Variants in MYL2 observed in about 807,000 individuals in gnomAD.
MYL2 encodes myosin light chain 2.
A neutral mutation model predicts 23.0 loss-of-function variants in MYL2; 19 were observed. The ratio of observed to expected loss-of-function variants is 0.83; its 90% CI spans 0.58 to 1.21. The LOEUF is 1.21. Ranked by LOEUF, MYL2 falls within the 50% of genes most tolerant of loss-of-function variation. The pLI, the probability that MYL2 is intolerant of heterozygous loss-of-function variation, is 0.00. For synonymous variants in MYL2, 78 were observed against 76.2 expected, an observed-to-expected ratio of 1.02 and a Z score of -0.13; for missense variants, 180 against 215.1, an observed-to-expected ratio of 0.84 and a Z score of 1.02.
chr12:110,920,254 G>T (rs950035736), intron 1 of MYL2, among the ~76,000 whole-genome samples: 2 of 152,178 alleles, frequency 1.3e-5, no homozygotes, highest in African/African-American at 2.4e-5. Context: ...AGTCCTGGGA[G>T]TTATTGATTC....
At chr12:110,915,885 G>T in intron 2 of MYL2, 95 bp from the exon 3 acceptor site, 1 of 937,278 alleles carries the variant, frequency 1.1e-6, no homozygotes, top group Non-Finnish European at 1.8e-6. Flanking sequence ...TGGATTCTGG[G>T]ATCTTCAAAG....
In MYL2 at chr12:110,913,286, C is replaced by T. The variant is rs397516401; in HGVS notation, c.313G>A (p.Val105Met). The T allele has an allele frequency of 1.9e-6, 3 of 1,614,216 alleles. No homozygotes were observed. Among genetic ancestry groups the T allele is most frequent in the Non-Finnish European group, 2.5e-6 (3 of 1,180,038 alleles). ...ACCCCTTTGCCTTCAGGGTCAAACA[C>T]TTTGAATGCGTTGAGAATGGTTTCC... ...PEETILNAFK[V>M]FDPEGKGVLK... is the part of the protein sequence containing the mutation. The change falls in exon 5 of 7, where the codon GTG becomes ATG. Residue 105 changes from valine (V) to methionine (M), a missense_variant. By Grantham distance (21) the Val-to-Met change is conservative (BLOSUM62 1). Transcript: ENST00000228841.
At position 110,911,021 on chromosome 12, in the gene MYL2, T is replaced by G. The variant is rs2071646325; in HGVS notation, c.*56A>C. 1 of 1,458,426 alleles carries G rather than the reference T, an allele frequency of 6.9e-7. No homozygotes were observed. The highest frequency in any genetic ancestry group is 1.7e-5 in the Admixed American group (1 of 59,736). 90.3% of individuals were successfully genotyped at this position (1,458,426 alleles called of 1,614,324 possible). A position where few individuals can be genotyped will look rare whatever the true frequency, so the allele number is the denominator to read the frequency against. On this transcript the variant is annotated 3_prime_UTR_variant, in exon 7 of 7. Coordinates refer to ENST00000228841, the MANE Select transcript of MYL2 (RefSeq NM_000432.4). ...AGAGGCGGTACTCGGGGGAGAGAGATGAGGGCAGGGACCACTCTGCAAAGA... is the reference window on the plus strand; with the variant it reads ...AGAGGCGGTACTCGGGGGAGAGAGAGGAGGGCAGGGACCACTCTGCAAAGA...
At chr12:110,921,117 G>A (rs532725052), upstream of MYL2, among the ~76,000 whole-genome samples, 23 of 152,358 alleles carry the variant, frequency 1.5e-4, no homozygotes, top group African/African-American at 4.3e-4. Context: ...CCAGCACGGC[G>A]GGAGGCCGAG....
At chr12:110,920,708 A>T, upstream of MYL2, 2 of 875,072 alleles carry the variant, frequency 2.3e-6, no homozygotes, top group Non-Finnish European at 3.7e-6. Context: ...CGTTCTTCTG[A>T]AGTAAGGGTG....
chr12:110,914,222 TAA>T lies in MYL2; in HGVS notation c.236_237del (p.Phe79TyrfsTer12), dbSNP rs1301298973. 6.2e-7 allele frequency: 1 copy of T among 1,613,882 alleles called. No individual in the cohort carries two copies. The highest frequency in any genetic ancestry group is 1.7e-5 in the Admixed American group (1 of 59,988). ...TCCCCAAACATTGTGAGGAACACAGTAAAGTTAATTGGACCCGGAGCCTCCTT... is the reference window on the plus strand; with the variant it reads ...TCCCCAAACATTGTGAGGAACACAGTAGTTAATTGGACCCGGAGCCTCCTT... The part of the protein sequence containing the change: ...MIKEAPGPIN[F>X]TVFLTMFGEK... On this transcript the variant is annotated frameshift_variant, in exon 4 of 7. Transcript: ENST00000228841. LOFTEE classifies it high-confidence loss of function.
chr12:110,921,092 C>T (rs769775187), upstream of MYL2, among the ~76,000 whole-genome samples: 2 of 152,332 alleles, frequency 1.3e-5, no homozygotes, highest in South Asian at 2.1e-4. Flanking sequence ...GGCACTGTGG[C>T]TCATGCCTGA....
intron 2 of MYL2, among the ~76,000 whole-genome samples, chr12:110,916,761 T>C (rs2071690050): frequency 6.6e-6 from 1 of 152,150 alleles, no homozygotes; most frequent in Non-Finnish European, 1.5e-5. Flanking sequence ...TTGCACAACT[T>C]TGTGAGTATA....
At chr12:110,920,457 T>A in intron 1 of MYL2, 70 bp downstream of exon 1, 1 of 1,611,930 alleles carries the variant, frequency 6.2e-7, no homozygotes, top group Non-Finnish European at 8.5e-7. Flanking sequence ...TCCGCCGTGG[T>A]CCCTCGCTTG....
chr12:110,920,226 AT>A (rs1355778602), intron 1 of MYL2, among the ~76,000 whole-genome samples: 6 of 152,208 alleles, frequency 3.9e-5, no homozygotes, highest in Non-Finnish European at 8.8e-5. Context: ...CCTTAAAAGC[AT>A]TCAATCCCAT....
intron 1 of MYL2, among the ~76,000 whole-genome samples, chr12:110,919,746 T>C (rs1170542974): frequency 6.6e-6 from 1 of 152,308 alleles, no homozygotes. Context: ...ACCACATCAA[T>C]AGGGCAGAGA....
At chr12:110,913,438 G>T (rs1378912344) in intron 4 of MYL2, 114 bp from the exon 5 acceptor site, 14 of 1,078,770 alleles carry the variant, frequency 1.3e-5, no homozygotes, top group Non-Finnish European at 2.0e-5. Flanking sequence ...AGGCTGCTTT[G>T]CATGGAGGAA....
At chr12:110,911,281 G>A in intron 6 of MYL2, 106 bp from the exon 7 acceptor site, 1 of 598,484 alleles carries the variant, frequency 1.7e-6, no homozygotes. Flanking sequence ...GGGGGGTGGG[G>A]GATGGGAACA....
chr12:110,912,614 C>T (rs765700949), intron 6 of MYL2, among the ~76,000 whole-genome samples: 5 of 152,218 alleles, frequency 3.3e-5, no homozygotes, highest in Non-Finnish European at 7.3e-5. Context: ...GACTGGAGTG[C>T]AGTGGCATGA....
chr12:110,910,984 C>A lies in MYL2; in HGVS notation c.*93G>T. On this transcript the variant is annotated 3_prime_UTR_variant, in exon 7 of 7. Transcript: ENST00000228841. Reference sequence around the variant, plus strand: ...ATGGGGCAGCCACATGGCTAACAGACAAGGTAGGGACAGAGGCGGTACTCG... The same window carrying A: ...ATGGGGCAGCCACATGGCTAACAGAAAAGGTAGGGACAGAGGCGGTACTCG... 1.7e-6 allele frequency: 2 copies of A among 1,181,204 alleles called. No homozygotes were observed. The highest frequency in any genetic ancestry group is 2.5e-6 in the Non-Finnish European group (2 of 788,790). 73.2% of individuals were successfully genotyped at this position (1,181,204 alleles called of 1,614,324 possible).
At position 110,913,257 on chromosome 12, in the gene MYL2, C is replaced by T. The variant is rs199572927; in HGVS notation, c.342G>A (p.Leu114=). The T allele has an allele frequency of 1.0e-4, 165 of 1,614,238 alleles. 3 individuals are homozygous for T. The highest frequency in any genetic ancestry group is 1.1e-4 in the Non-Finnish European group (124 of 1,180,038). The change falls in exon 5 of 7, where the codon CTG becomes CTA. Residue 114 remains leucine (L), a synonymous_variant. Transcript: ENST00000228841. The part of the protein sequence containing the change: ...KVFDPEGKGV[L]KADYVREMLT... ...CAGACCCCACTCACTAATCAGCCTT[C>T]AGCACCCCTTTGCCTTCAGGGTCAA...
rs1308201341 is a variant in MYL2 at position 110,918,095 on chromosome 12, A to G, written c.93+1009T>C. The stretch of plus-strand genomic sequence containing the variant: ...GAGACTCTGTCACACGCACAAAAAA[A>G]GAAAGCAGTCTGGTCTCTTTAGCAT... On this transcript the variant is annotated intron_variant, in intron 2 of 6. Transcript: ENST00000228841. This position sits in a 1 kb window ranked among gnomAD's most constrained non-coding sequence, Gnocchi z 4.4. Among the ~76,000 whole-genome samples, 1 of 152,204 alleles carries G rather than the reference A, an allele frequency of 6.6e-6. No individual in the cohort carries two copies. The highest frequency in any genetic ancestry group is 1.5e-5 in the Non-Finnish European group (1 of 68,046).
chr12:110,915,578 G>T, intron 3 of MYL2, 137 bp downstream of exon 3: 1 of 864,536 alleles, frequency 1.2e-6, no homozygotes, highest in Non-Finnish European at 2.0e-6. Context: ...CCTGAAATTT[G>T]TCTTAAAGAC....
intron 1 of MYL2, 73 bp downstream of exon 1, chr12:110,920,454 T>C: frequency 6.2e-7 from 1 of 1,611,012 alleles, no homozygotes; most frequent in South Asian, 1.1e-5. Context: ...CCCTCCGCCG[T>C]GGTCCCTCGC....
Sources: gnomAD v4.1 joint callset for allele counts (sites outside exome capture counted in the v4.1 genomes callset) on GRCh38, gnomAD v4.1.1 for gene constraint, Gnocchi (gnomAD v3.1) non-coding constraint, MANE v1.5 for transcripts, NCBI Gene and HGNC (gene_info 2026-07-23, HGNC 2026-07-21) for gene names.